Variants in SFMBT2 observed in about 807,000 individuals in gnomAD.
SFMBT2 encodes the protein scm-like with four MBT domains protein 2.
Under a neutral mutation model 110.1 loss-of-function variants are expected in SFMBT2, and 38 were observed. The ratio of observed to expected loss-of-function variants is 0.35; its 90% confidence interval spans 0.27 to 0.45. The LOEUF (loss-of-function observed/expected upper bound fraction) is 0.45, where lower values mean the gene tolerates loss of function less well. SFMBT2 is among the 20% of genes least tolerant of loss of function. The probability of loss-of-function intolerance (pLI) is 1.00; values close to 1 mark genes in which losing one functional copy is unlikely to be tolerated. For missense variants in SFMBT2, 1,011 were observed against 1,094.9 expected (o/e 0.92, Z 1.08); for synonymous variants, 425 against 425.4 (o/e 1.00, Z 0.01).
At chr10:7,348,194 G>A (rs560692263) in intron 4 of SFMBT2, 2 of 1,037,504 alleles carry the variant, frequency 1.9e-6, no homozygotes, top group East Asian at 2.9e-5. Context: ...GTTTGGGTTG[G>A]TTTATGTTTG....
intron 4 of SFMBT2, among the ~76,000 whole-genome samples, chr10:7,328,429 T>C (rs534249107): frequency 6.6e-6 from 1 of 152,352 alleles, no homozygotes; most frequent in Admixed American, 6.5e-5. Flanking sequence ...TCCTTTGACA[T>C]TTCATTCTTT....
In SFMBT2 at chr10:7,200,103, A is replaced by G. The variant is rs141153861; in HGVS notation, c.1558+311T>C. On this transcript the variant is annotated intron_variant, in intron 14 of 20. Coordinates refer to ENST00000397167, the MANE Select transcript of SFMBT2 (RefSeq NM_001387889.1). ...ATTGCCTAATGAGATGATATTTTCAACTCTTTCCTTTTCCCCATGATATGC... is the reference window on the plus strand; with the variant it reads ...ATTGCCTAATGAGATGATATTTTCAGCTCTTTCCTTTTCCCCATGATATGC... Among the ~76,000 whole-genome samples the G allele has an allele frequency of 3.4e-4, 52 of 152,358 alleles. 1 individual carries two copies. The highest frequency in any genetic ancestry group is 8.9e-4 in the African/African-American group (37 of 41,572).
chr10:7,360,333 GGTGCGTGCCT>G (rs1204232134), intron 4 of SFMBT2, among the ~76,000 whole-genome samples: 2 of 152,156 alleles, frequency 1.3e-5, no homozygotes, highest in African/African-American at 4.8e-5. Context: ...TAGGCATGGT[GGTGCGTGCCT>G]GTAGTTCCAG....
chr10:7,207,249 A>G (rs540340738), intron 11 of SFMBT2, among the ~76,000 whole-genome samples: 2 of 151,974 alleles, frequency 1.3e-5, no homozygotes, highest in South Asian at 4.2e-4. Flanking sequence ...AGTCCTAGCA[A>G]CTTGGGAGGC....
At chr10:7,315,107 AG>A (rs1564435648) in intron 4 of SFMBT2, among the ~76,000 whole-genome samples, 90 of 141,292 alleles carry the variant, frequency 6.4e-4, no homozygotes, top group Non-Finnish European at 1.3e-3. Flanking sequence ...AAAGAAAGAA[AG>A]AAAAAGCAAG....
chr10:7,358,471 TGCCCTAGAACACCGGCATG>T (rs1844598438), intron 4 of SFMBT2, among the ~76,000 whole-genome samples: 3 of 104,822 alleles, frequency 2.9e-5, no homozygotes, highest in South Asian at 2.9e-4. Flanking sequence ...ATGGAGGCAT[TGCCCTAGAACACCGGCATG>T]GCCCTAGAAC....
intron 4 of SFMBT2, among the ~76,000 whole-genome samples, chr10:7,342,961 G>C (rs542996189): frequency 3.4e-4 from 52 of 152,330 alleles, no homozygotes; most frequent in African/African-American, 1.1e-3. Flanking sequence ...AGAGTAATTT[G>C]ATGTACAGAT....
At chr10:7,178,772 G>A (rs1377435410) in intron 16 of SFMBT2, among the ~76,000 whole-genome samples, 1 of 152,194 alleles carries the variant, frequency 6.6e-6, no homozygotes, top group African/African-American at 2.4e-5. Flanking sequence ...AGGCACTACA[G>A]CCCTTATCCA....
chr10:7,172,038 G>T lies in SFMBT2; in HGVS notation c.2272C>A (p.Arg758=). ...SSAEVPSARP[R]RAVTLRSGSE... is the part of the protein sequence containing the mutation. ...CCGCTCCGCAGGGTGACGGCCCTCC[G>T]GGGCCGGGCCGAGGGCACCTCCGCC... Residue 758 remains arginine, a synonymous_variant, in exon 19 of 21, where the codon CGG becomes AGG. Transcript: ENST00000397167. The surrounding 1 kb of genome is among the most constrained non-coding windows in gnomAD (Gnocchi z 4.6). 6.3e-7 allele frequency: 1 copy of T among 1,590,932 alleles called. No homozygotes were observed. Among genetic ancestry groups the T allele is most frequent in the East Asian group, 2.3e-5 (1 of 43,748 alleles).
At chr10:7,226,480 G>A (rs765741522) in intron 10 of SFMBT2, among the ~76,000 whole-genome samples, 2 of 152,202 alleles carry the variant, frequency 1.3e-5, no homozygotes, top group South Asian at 4.1e-4. Flanking sequence ...CAACGAAACC[G>A]CAAGCTCCAG....
At chr10:7,180,268 G>T (rs893732722) in intron 16 of SFMBT2, among the ~76,000 whole-genome samples, 10 of 151,752 alleles carry the variant, frequency 6.6e-5, no homozygotes, top group Non-Finnish European at 1.5e-4. Context: ...GGGAATACAG[G>T]TGCCCACCAC....
intron 2 of SFMBT2, among the ~76,000 whole-genome samples, chr10:7,372,223 G>C (rs2132060918): frequency 6.6e-6 from 1 of 152,224 alleles, no homozygotes; most frequent in Admixed American, 6.5e-5. Context: ...CGGCCTTCTT[G>C]AAATTTTTGA....
intron 11 of SFMBT2, among the ~76,000 whole-genome samples, chr10:7,208,529 A>G (rs1839226389): frequency 6.6e-6 from 1 of 150,502 alleles, no homozygotes; most frequent in African/African-American, 2.4e-5. Flanking sequence ...TACTAAAAAT[A>G]CAAAAAATTA....
intron 4 of SFMBT2, among the ~76,000 whole-genome samples, chr10:7,328,554 C>T (rs1843466074): frequency 6.6e-6 from 1 of 152,222 alleles, no homozygotes. Context: ...ATCCCATGTC[C>T]TCTTCTAAAC....
intron 4 of SFMBT2, among the ~76,000 whole-genome samples, chr10:7,319,652 CAGAG>C (rs35461195): frequency 1.4e-5 from 2 of 139,836 alleles, no homozygotes; most frequent in African/African-American, 5.0e-5. Context: ...AAGAGAGAGA[CAGAG>C]AGAGAGAGAG....
At chr10:7,175,168 G>C (rs1051396407) in intron 17 of SFMBT2, among the ~76,000 whole-genome samples, 1 of 152,210 alleles carries the variant, frequency 6.6e-6, no homozygotes. Flanking sequence ...CTAACTTCCA[G>C]GTCACTCCCC....
intron 7 of SFMBT2, among the ~76,000 whole-genome samples, chr10:7,268,682 T>C (rs1482320461): frequency 3.9e-5 from 6 of 152,190 alleles, no homozygotes; most frequent in Non-Finnish European, 8.8e-5. Flanking sequence ...AGCTAATTTT[T>C]GTATTTTTAA....
At chr10:7,242,229 C>A (rs1840453628) in intron 9 of SFMBT2, among the ~76,000 whole-genome samples, 2 of 152,176 alleles carry the variant, frequency 1.3e-5, no homozygotes, top group Non-Finnish European at 2.9e-5. Context: ...ACTCTGCTGG[C>A]ACCTGGGGAC....
intron 13 of SFMBT2, chr10:7,201,047 AAT>A (rs1472783739): frequency 1.3e-5 from 2 of 155,356 alleles, no homozygotes; most frequent in Admixed American, 6.5e-5. Context: ...TTGCTGAATA[AAT>A]ATGTGTTTTA....
Sources: gnomAD v4.1 joint callset for allele counts (sites outside exome capture counted in the v4.1 genomes callset) on GRCh38, gnomAD v4.1.1 for gene constraint, Gnocchi (gnomAD v3.1) non-coding constraint, MANE v1.5 for transcripts, NCBI Gene and HGNC (gene_info 2026-07-23, HGNC 2026-07-21) for gene names.